The following CUL4A variants were observed in gnomAD, a reference collection of about 807,000 sequenced individuals.
The protein encoded by CUL4A is cullin 4A, also known as cullin-4A.
CUL4A carries 16 observed loss-of-function variants against 95.5 expected under a neutral mutation model. The ratio of observed to expected loss-of-function variants is 0.17; its 90% CI spans 0.11 to 0.25. CUL4A has a LOEUF of 0.25. CUL4A is among the 10% of genes least tolerant of loss of function. The pLI is 1.00. For synonymous variants in CUL4A, 380 were observed against 353.1 expected (o/e 1.08, Z -0.85); for missense variants, 610 against 937.0 (o/e 0.65, Z 4.56).
chr13:113,211,745 T>C (rs1209693609), intron 2 of CUL4A, among the ~76,000 whole-genome samples: 1 of 152,218 alleles, frequency 6.6e-6, no homozygotes, highest in Non-Finnish European at 1.5e-5. Context: ...TTTGGACATA[T>C]ATTCTTACTC....
intron 7 of CUL4A, 147 bp from the exon 8 acceptor site, chr13:113,234,916 C>T: frequency 1.6e-6 from 1 of 608,248 alleles, no homozygotes; most frequent in Non-Finnish European, 2.9e-6. Flanking sequence ...CCTACCTCTC[C>T]CTCCCTGTTA....
At chr13:113,260,787 T>C in intron 19 of CUL4A, 28 bp downstream of exon 19, 1 of 1,476,770 alleles carries the variant, frequency 6.8e-7, no homozygotes, top group Non-Finnish European at 9.3e-7. Flanking sequence ...ATAATTAAAT[T>C]TGTAGTATTT....
intron 2 of CUL4A, among the ~76,000 whole-genome samples, chr13:113,211,899 T>C (rs1292215312): frequency 6.6e-6 from 1 of 152,158 alleles, no homozygotes; most frequent in African/African-American, 2.4e-5. Flanking sequence ...GTATGGGAGC[T>C]CCGGTTCCAC....
rs753818625 is a variant in CUL4A at position 113,266,659 on chromosome 13, C to T, written c.*3077C>T. 1 of 152,268 alleles carries T rather than the reference C, an allele frequency of 6.6e-6. No individual in the cohort carries two copies. Among genetic ancestry groups the T allele is most frequent in the East Asian group, 1.9e-4 (1 of 5,178 alleles). 9.4% of individuals were successfully genotyped at this position (152,268 alleles called of 1,614,324 possible). A position where few individuals can be genotyped will look rare whatever the true frequency, so the allele number is the denominator to read the frequency against. ...AGAAAGTCCACAAATAAGCCAAATA[C>T]ACAGGAACTCGGCGTGGCACAAAGG... On this transcript the variant is annotated 3_prime_UTR_variant, in exon 20 of 20. Transcript: ENST00000375440.
intron 10 of CUL4A, 35 bp downstream of exon 10, chr13:113,239,586 A>T: frequency 6.5e-7 from 1 of 1,530,792 alleles, no homozygotes. Flanking sequence ...GGGCGTGGGC[A>T]TTCCCTGCAG....
At chr13:113,210,197 C>A in intron 2 of CUL4A, 109 bp downstream of exon 2, 1 of 692,586 alleles carries the variant, frequency 1.4e-6, no homozygotes, top group Non-Finnish European at 2.2e-6. Flanking sequence ...AGCGGAAAGG[C>A]AGGGCGTTTG....
At position 113,239,300 on chromosome 13, in the gene CUL4A, G is replaced by A; in HGVS notation, c.917-133G>A. The A allele has an allele frequency of 1.1e-5, 8 of 757,544 alleles. No homozygotes were observed. The South Asian group carries it at 1.2e-4, about 11-fold the overall frequency. 46.9% of individuals were successfully genotyped at this position (757,544 alleles called of 1,614,324 possible). A position where few individuals can be genotyped will look rare whatever the true frequency, so the allele number is the denominator to read the frequency against. On this transcript the variant is annotated intron_variant, in intron 9 of 19. Coordinates refer to ENST00000375440, the MANE Select transcript of CUL4A (RefSeq NM_001008895.4). ...TTAACCAGATCAACCTGCTCATGTA[G>A]AGGCAGCGATGTGGAGACCCGCCCA...
chr13:113,218,859 G>A (rs528329102), intron 2 of CUL4A, 86 bp from the exon 3 acceptor site: 12 of 869,314 alleles, frequency 1.4e-5, no homozygotes, highest in Non-Finnish European at 2.0e-5. Flanking sequence ...TTTTTCTTAT[G>A]ATTACAGCTA....
chr13:113,258,029 GTT>G (rs538869816), intron 18 of CUL4A, among the ~76,000 whole-genome samples: 85 of 151,188 alleles, frequency 5.6e-4, no homozygotes, highest in Non-Finnish European at 1.1e-3. Flanking sequence ...GTTTTGTTTT[GTT>G]TTTTGAGACA....
intron 10 of CUL4A, among the ~76,000 whole-genome samples, chr13:113,242,423 C>T (rs1159848054): frequency 3.9e-5 from 6 of 152,260 alleles, no homozygotes; most frequent in South Asian, 4.1e-4. Context: ...TAAAAAGCAA[C>T]GGACATTTTC....
At chr13:113,243,307 T>G in intron 11 of CUL4A, 147 bp downstream of exon 11, 1 of 683,560 alleles carries the variant, frequency 1.5e-6, no homozygotes, top group Non-Finnish European at 2.3e-6. Flanking sequence ...TTTTATCAAG[T>G]CTTATTAGGA....
intron 2 of CUL4A, 78 bp downstream of exon 2, chr13:113,210,166 C>T: frequency 1.0e-6 from 1 of 978,586 alleles, no homozygotes; most frequent in Non-Finnish European, 1.4e-6. Context: ...GCTCCGGGTG[C>T]CTCGCAGGCT....
At chr13:113,235,809 C>T (rs1595390427) in intron 8 of CUL4A, among the ~76,000 whole-genome samples, 1 of 151,740 alleles carries the variant, frequency 6.6e-6, no homozygotes, top group Admixed American at 6.6e-5. Context: ...TCTCTACTAA[C>T]AATACAAAAA....
intron 12 of CUL4A, 116 bp from the exon 13 acceptor site, chr13:113,244,833 C>CT (rs1320915197): frequency 5.8e-6 from 4 of 687,332 alleles, no homozygotes; most frequent in Non-Finnish European, 9.7e-6. Flanking sequence ...GAGCAAGACT[C>CT]TGTCTCAAAA....
chr13:113,231,069 A>G (rs1340099366), intron 5 of CUL4A, among the ~76,000 whole-genome samples: 1 of 152,176 alleles, frequency 6.6e-6, no homozygotes, highest in Non-Finnish European at 1.5e-5. Flanking sequence ...CACCATGCCC[A>G]ACACTAAACT....
intron 6 of CUL4A, 37 bp downstream of exon 6, chr13:113,233,376 G>A: frequency 6.4e-7 from 1 of 1,572,628 alleles, no homozygotes; most frequent in South Asian, 1.1e-5. Context: ...CTGGGTACCT[G>A]CCCAGCTACT....
At chr13:113,247,618 G>T (rs576086991) in intron 15 of CUL4A, among the ~76,000 whole-genome samples, 1 of 152,214 alleles carries the variant, frequency 6.6e-6, no homozygotes, top group South Asian at 2.1e-4. Context: ...GAGAACTTTG[G>T]GGGAGAAGGT....
At chr13:113,237,219 C>T (rs754602562) in intron 9 of CUL4A, among the ~76,000 whole-genome samples, 29 of 152,150 alleles carry the variant, frequency 1.9e-4, no homozygotes, top group African/African-American at 4.8e-4. Flanking sequence ...TTCCTGTGTC[C>T]GGCCGTTCTT....
At chr13:113,239,287 A>G (rs61967868) in intron 9 of CUL4A, 146 bp from the exon 10 acceptor site, 8 of 720,050 alleles carry the variant, frequency 1.1e-5, no homozygotes, top group African/African-American at 1.8e-5. Context: ...AACCAGATCA[A>G]CCTGCTCATG....
Sources: gnomAD v4.1 joint callset for allele counts (sites outside exome capture counted in the v4.1 genomes callset) on GRCh38, gnomAD v4.1.1 for gene constraint, MANE v1.5 for transcripts, NCBI Gene and HGNC (gene_info 2026-07-23, HGNC 2026-07-21) for gene names.